Variants in EPHA3 observed in about 807,000 individuals in gnomAD.
EPHA3 encodes the protein ephrin type-A receptor 3.
EPHA3 carries 42 observed loss-of-function variants against 107.1 expected under a neutral mutation model. That is an observed-to-expected ratio of 0.39 (90% CI 0.31 to 0.51). The LOEUF (loss-of-function observed/expected upper bound fraction) is 0.51, where lower values mean the gene tolerates loss of function less well. EPHA3 is among the 20% of genes least tolerant of loss of function. The pLI, the probability that EPHA3 is intolerant of heterozygous loss-of-function variation, is 0.78. For synonymous variants in EPHA3, 461 were observed against 424.8 expected (o/e 1.09, Z -1.05); for missense variants, 1,183 against 1,211.2 (o/e 0.98, Z 0.35).
intron 5 of EPHA3, among the ~76,000 whole-genome samples, chr3:89,355,131 A>T (rs1392963358): frequency 6.6e-6 from 1 of 150,794 alleles, no homozygotes; most frequent in East Asian, 1.9e-4. Context: ...AAAAAAAAAA[A>T]TCTGTCTCTG....
intron 3 of EPHA3, among the ~76,000 whole-genome samples, chr3:89,235,144 A>C (rs557813987): frequency 8.0e-5 from 12 of 150,510 alleles, no homozygotes; most frequent in African/African-American, 2.7e-4. Flanking sequence ...CTGGTCTCGA[A>C]CTCCTGACCT....
intron 3 of EPHA3, among the ~76,000 whole-genome samples, chr3:89,323,425 G>A (rs1188474290): frequency 2.0e-5 from 3 of 152,024 alleles, no homozygotes; most frequent in Admixed American, 1.3e-4. Flanking sequence ...CTGAACCTGG[G>A]CTCTTAACAA....
chr3:89,370,645 C>T (rs1055205777), intron 5 of EPHA3, among the ~76,000 whole-genome samples: 1 of 151,016 alleles, frequency 6.6e-6, no homozygotes, highest in Admixed American at 6.6e-5. Context: ...TACCCTAAAA[C>T]TTAAAGTATA....
At chr3:89,116,974 G>A (rs1200168283) in intron 1 of EPHA3, among the ~76,000 whole-genome samples, 4 of 151,680 alleles carry the variant, frequency 2.6e-5, no homozygotes, top group African/African-American at 9.7e-5. Flanking sequence ...TCAAATCAAG[G>A]CAAATGTAAA....
intron 7 of EPHA3, among the ~76,000 whole-genome samples, chr3:89,406,840 A>G (rs1701889675): frequency 6.6e-6 from 1 of 152,150 alleles, no homozygotes. Context: ...TCAAATGAAT[A>G]TGGATATTGG....
At chr3:89,249,771 T>C (rs557729135) in intron 3 of EPHA3, among the ~76,000 whole-genome samples, 4 of 152,290 alleles carry the variant, frequency 2.6e-5, no homozygotes, top group South Asian at 4.1e-4. Context: ...GCATTTCTTA[T>C]AGTGATAAGT....
intron 5 of EPHA3, among the ~76,000 whole-genome samples, chr3:89,391,591 C>A (rs1227785117): frequency 6.6e-6 from 1 of 150,820 alleles, no homozygotes; most frequent in Non-Finnish European, 1.5e-5. Context: ...CCATGCCCAG[C>A]TAATTTTTTG....
At chr3:89,295,431 A>G (rs1706323713) in intron 3 of EPHA3, among the ~76,000 whole-genome samples, 2 of 152,094 alleles carry the variant, frequency 1.3e-5, no homozygotes, top group African/African-American at 2.4e-5. Flanking sequence ...GGTTCACTGC[A>G]TCTTTCACGA....
At chr3:89,316,631 G>A (rs184297284) in intron 3 of EPHA3, among the ~76,000 whole-genome samples, 181 of 149,624 alleles carry the variant, frequency 1.2e-3, no homozygotes, top group African/African-American at 4.2e-3. Flanking sequence ...GAAAGCAGGA[G>A]GAAAAGTTCT....
chr3:89,179,319 T>C (rs529860197), intron 2 of EPHA3, among the ~76,000 whole-genome samples: 1 of 152,210 alleles, frequency 6.6e-6, no homozygotes, highest in South Asian at 2.1e-4. Context: ...GGAGTATAGA[T>C]AGTTATCAGA....
intron 1 of EPHA3, among the ~76,000 whole-genome samples, chr3:89,124,551 C>G (rs1704049744): frequency 6.6e-6 from 1 of 151,976 alleles, no homozygotes; most frequent in Admixed American, 6.6e-5. Flanking sequence ...AACTATTCTA[C>G]TCTACTAGAT....
chr3:89,425,829 C>T (rs950315205), intron 11 of EPHA3, among the ~76,000 whole-genome samples: 2 of 151,476 alleles, frequency 1.3e-5, no homozygotes, highest in African/African-American at 4.8e-5. Context: ...AATTCTTAGA[C>T]ATTTTGAATC....
chr3:89,127,261 T>C lies in EPHA3; in HGVS notation c.141T>C (p.Tyr47=), dbSNP rs950929609. The part of the protein sequence containing the change: ...TIQGELGWIS[Y]PSHGWEEISG... ...AAGGGGAGCTGGGCTGGATCTCTTATCCATCACATGGGGTGAGTTCAATAA... is the reference window on the plus strand; with the variant it reads ...AAGGGGAGCTGGGCTGGATCTCTTACCCATCACATGGGGTGAGTTCAATAA... Residue 47 remains tyrosine (Y), a synonymous_variant, in exon 2 of 17, where the codon TAT becomes TAC. Coordinates refer to ENST00000336596, the MANE Select transcript of EPHA3 (RefSeq NM_005233.6). 6.2e-7 allele frequency: 1 copy of C among 1,612,258 alleles called. No homozygotes were observed. The highest frequency in any genetic ancestry group is 8.5e-7 in the Non-Finnish European group (1 of 1,178,598).
intron 3 of EPHA3, among the ~76,000 whole-genome samples, chr3:89,224,169 G>A (rs1035724934): frequency 5.3e-5 from 8 of 152,252 alleles, no homozygotes; most frequent in African/African-American, 1.9e-4. Context: ...ACTCTCATTT[G>A]TAGTTTATTT....
chr3:89,240,431 T>C (rs1400371859), intron 3 of EPHA3, among the ~76,000 whole-genome samples: 1 of 152,092 alleles, frequency 6.6e-6, no homozygotes, highest in African/African-American at 2.4e-5. Context: ...GCAATACATT[T>C]GTATTATTTT....
At chr3:89,410,801 T>C (rs1355381679) in intron 9 of EPHA3, among the ~76,000 whole-genome samples, 1 of 151,956 alleles carries the variant, frequency 6.6e-6, no homozygotes, top group Non-Finnish European at 1.5e-5. Flanking sequence ...GTATGATAGC[T>C]TTTCCTTAAT....
chr3:89,210,168 A>G lies in EPHA3; in HGVS notation c.462A>G (p.Gln154=). The change falls in exon 3 of 17, where the codon CAA becomes CAG. Residue 154 remains glutamine, a synonymous_variant. Coordinates refer to ENST00000336596, the MANE Select transcript of EPHA3 (RefSeq NM_005233.6). ...DTIAADESFT[Q]MDLGDRILKL... ...TTGCAGCTGATGAAAGTTTCACTCAAATGGATCTTGGGGACCGTATTCTGA... is the reference window on the plus strand; with the variant it reads ...TTGCAGCTGATGAAAGTTTCACTCAGATGGATCTTGGGGACCGTATTCTGA... 3 of 1,614,080 alleles carry G rather than the reference A, an allele frequency of 1.9e-6. No homozygotes were observed. The highest frequency in any genetic ancestry group is 2.5e-6 in the Non-Finnish European group (3 of 1,179,966).
At chr3:89,324,879 A>G (rs1312049156) in intron 3 of EPHA3, among the ~76,000 whole-genome samples, 2 of 152,116 alleles carry the variant, frequency 1.3e-5, no homozygotes, top group Non-Finnish European at 2.9e-5. Context: ...TTGGTCCCCA[A>G]TGTCTATTGT....
chr3:89,390,785 ATTT>A (rs528841771), intron 5 of EPHA3, among the ~76,000 whole-genome samples: 2 of 132,086 alleles, frequency 1.5e-5, no homozygotes, highest in Non-Finnish European at 3.2e-5. Flanking sequence ...ATTGAAAAGC[ATTT>A]TTTTTTTTTT....
Sources: gnomAD v4.1 joint callset for allele counts (sites outside exome capture counted in the v4.1 genomes callset) on GRCh38, gnomAD v4.1.1 for gene constraint, MANE v1.5 for transcripts, NCBI Gene and HGNC (gene_info 2026-07-23, HGNC 2026-07-21) for gene names.